Variants in ABHD10 observed in about 807,000 individuals in gnomAD.
ABHD10 encodes the protein abhydrolase domain containing 10, depalmitoylase.
ABHD10 carries 22 observed loss-of-function variants against 33.1 expected under a neutral mutation model. The observed-to-expected ratio is 0.66, with a 90% CI of 0.47 to 0.95. The LOEUF (loss-of-function observed/expected upper bound fraction) is 0.95. Among genes scored for constraint, ABHD10 ranks in the 40% least tolerant of loss-of-function variants. The probability of loss-of-function intolerance (pLI) is 0.00; values close to 1 mark genes in which losing one functional copy is unlikely to be tolerated. For missense variants in ABHD10, 352 were observed against 379.9 expected (o/e 0.93, Z 0.61); for synonymous variants, 146 against 133.9 (o/e 1.09, Z -0.62).
At position 111,991,745 on chromosome 3, in the gene ABHD10, A is replaced by T. The variant is rs2072742477; in HGVS notation, c.*24A>T. ...AGTATCACATGTTTAGTTGGTATGT[A>T]AACTAATGTATCCAGAAGATTGGAA... is the stretch of plus-strand genomic sequence containing the variant. On this transcript the variant is annotated 3_prime_UTR_variant, in exon 5 of 5. Coordinates refer to ENST00000273359, the MANE Select transcript of ABHD10 (RefSeq NM_018394.4). 6.5e-7 allele frequency: 1 copy of T among 1,546,568 alleles called. No individual in the cohort carries two copies. Among genetic ancestry groups the T allele is most frequent in the African/African-American group, 1.4e-5 (1 of 72,902 alleles).
chr3:111,988,795 G>T (rs1227196424), intron 4 of ABHD10, among the ~76,000 whole-genome samples: 1 of 151,998 alleles, frequency 6.6e-6, no homozygotes, highest in Non-Finnish European at 1.5e-5. Context: ...TCGCCATGTT[G>T]CCCAGGCCGG....
intron 3 of ABHD10, among the ~76,000 whole-genome samples, chr3:111,986,646 A>G (rs939416202): frequency 6.6e-6 from 1 of 152,090 alleles, no homozygotes; most frequent in Non-Finnish European, 1.5e-5. Flanking sequence ...CGTGTTGGCC[A>G]GGATGGTCTC....
chr3:111,986,793 T>C (rs1368309302), intron 3 of ABHD10, 121 bp from the exon 4 acceptor site: 8 of 742,476 alleles, frequency 1.1e-5, no homozygotes, highest in Admixed American at 3.7e-5. Flanking sequence ...TAATCCATTT[T>C]GATATTTGAT....
At chr3:111,979,392 G>T (rs1170153451) in intron 1 of ABHD10, among the ~76,000 whole-genome samples, 189 bp downstream of exon 1, 3 of 152,252 alleles carry the variant, frequency 2.0e-5, no homozygotes, top group African/African-American at 4.8e-5. Flanking sequence ...CCGCGGCCCT[G>T]CGGCATTCTG....
intron 2 of ABHD10, among the ~76,000 whole-genome samples, chr3:111,982,992 C>A (rs1468470167): frequency 6.6e-6 from 1 of 152,074 alleles, no homozygotes; most frequent in Non-Finnish European, 1.5e-5. Flanking sequence ...GATTGGAGTA[C>A]TTTTTGGAAA....
Position 111,991,944 on chromosome 3 carries a change from A to G in ABHD10, c.*223A>G, listed in dbSNP as rs1182080527. On this transcript the variant is annotated 3_prime_UTR_variant, in exon 5 of 5. Coordinates refer to ENST00000273359, the MANE Select transcript of ABHD10 (RefSeq NM_018394.4). The stretch of plus-strand genomic sequence containing the variant: ...TTCCTTCTGTCCTTGATTTTTTTTC[A>G]TTAAAGTATTTCCTTTTTTTAATTC... 20 of 418,002 alleles carry G rather than the reference A, an allele frequency of 4.8e-5. No individual in the cohort carries two copies. Among genetic ancestry groups the G allele is most frequent in the Non-Finnish European group, 7.5e-5 (18 of 239,754 alleles). The allele number at this position is 418,002 out of a possible 1,614,324, so 25.9% of individuals were successfully genotyped here. A position where few individuals can be genotyped will look rare whatever the true frequency, so the allele number is the denominator to read the frequency against.
chr3:111,983,342 A>G (rs2072609950), intron 2 of ABHD10, among the ~76,000 whole-genome samples: 1 of 152,158 alleles, frequency 6.6e-6, no homozygotes, highest in Non-Finnish European at 1.5e-5. Flanking sequence ...CACTGAATAA[A>G]TTTGAATCGA....
At chr3:111,990,683 T>C in intron 4 of ABHD10, 1 of 1,325,242 alleles carries the variant, frequency 7.5e-7, no homozygotes, top group Non-Finnish European at 1.0e-6. Context: ...AAAAATCAAA[T>C]TTTTTCTCTT....
intron 4 of ABHD10, among the ~76,000 whole-genome samples, chr3:111,988,116 G>GA (rs2072693285): frequency 1.3e-5 from 2 of 152,082 alleles, no homozygotes; most frequent in South Asian, 2.1e-4. Flanking sequence ...AAAAAAAGAA[G>GA]AAAAAACGTA....
chr3:111,992,649 TATTA>T lies in ABHD10; in HGVS notation c.*936_*939del, dbSNP rs1485939834. 2.0e-5 allele frequency: 3 copies of T among 152,184 alleles called. No homozygotes were observed. Among genetic ancestry groups the T allele is most frequent in the Non-Finnish European group, 2.9e-5 (2 of 68,030 alleles). 9.4% of individuals were successfully genotyped at this position (152,184 alleles called of 1,614,324 possible). Reference sequence around the variant, plus strand: ...TTGATATTATTTAGTTAATGTTTTTTATTAATTAATTTTGGCTGGACTTTATTTA... The same window carrying T: ...TTGATATTATTTAGTTAATGTTTTTTATTAATTTTGGCTGGACTTTATTTA... On this transcript the variant is annotated 3_prime_UTR_variant, in exon 5 of 5. Coordinates refer to ENST00000273359, the MANE Select transcript of ABHD10 (RefSeq NM_018394.4).
chr3:111,991,590 G>C lies in ABHD10; in HGVS notation c.790G>C (p.Val264Leu). The change falls in exon 5 of 5, where the codon GTA (valine) becomes CTA (leucine). Residue 264 changes from valine to leucine, a missense_variant. By Grantham distance (32) the Val-to-Leu change is conservative (BLOSUM62 1). Coordinates refer to ENST00000273359, the MANE Select transcript of ABHD10 (RefSeq NM_018394.4). Reference sequence around the variant, plus strand: ...TACATCAATGCAGGTTGCCGATCGAGTACTCAGCACAGATGTGGATGTCAT... The same window carrying C: ...TACATCAATGCAGGTTGCCGATCGACTACTCAGCACAGATGTGGATGTCAT... The part of the protein sequence containing the change: ...WHTSMQVADR[V>L]LSTDVDVILR... The C allele has an allele frequency of 6.2e-7, 1 of 1,614,120 alleles. No individual in the cohort carries two copies. Among genetic ancestry groups the C allele is most frequent in the Non-Finnish European group, 8.5e-7 (1 of 1,179,990 alleles).
At position 111,991,518 on chromosome 3, in the gene ABHD10, C is replaced by A; in HGVS notation, c.718C>A (p.Pro240Thr). The change falls in exon 5 of 5, where the codon CCC (proline) becomes ACC (threonine). Residue 240 changes from proline to threonine, a missense_variant. Physicochemically the swap from Pro to Thr is conservative, Grantham distance 38. Coordinates refer to ENST00000273359, the MANE Select transcript of ABHD10 (RefSeq NM_018394.4). ...LLHSPIPVNC[P>T]IRLLHGMKDD... ...ACATAGCCCAATTCCTGTGAACTGC[C>A]CCATAAGATTGCTCCATGGCATGAA... 6.2e-7 allele frequency: 1 copy of A among 1,614,034 alleles called. No homozygotes were observed. The highest frequency in any genetic ancestry group is 8.5e-7 in the Non-Finnish European group (1 of 1,179,960).
At chr3:111,985,866 G>A (rs919712248) in intron 2 of ABHD10, among the ~76,000 whole-genome samples, 10 of 152,276 alleles carry the variant, frequency 6.6e-5, no homozygotes, top group East Asian at 5.8e-4. Flanking sequence ...AGGTGATCAG[G>A]CACCAAAGTA....
intron 4 of ABHD10, among the ~76,000 whole-genome samples, chr3:111,988,529 G>A (rs1576067779): frequency 6.6e-6 from 1 of 151,604 alleles, no homozygotes; most frequent in Non-Finnish European, 1.5e-5. Flanking sequence ...TTGGGGGTTG[G>A]GGGTTTATTG....
intron 4 of ABHD10, chr3:111,990,836 C>A: frequency 2.8e-6 from 2 of 708,146 alleles, no homozygotes; most frequent in Non-Finnish European, 4.1e-6. Flanking sequence ...TTTCCCTATG[C>A]CATATCCATT....
At chr3:111,986,426 C>A in intron 3 of ABHD10, 51 bp downstream of exon 3, 1 of 860,276 alleles carries the variant, frequency 1.2e-6, no homozygotes, top group Non-Finnish European at 1.8e-6. Context: ...CGTATTTAAG[C>A]TGTTTGTTTT....
intron 3 of ABHD10, 135 bp downstream of exon 3, chr3:111,986,510 A>G (rs1233613596): frequency 1.6e-6 from 1 of 619,880 alleles, no homozygotes; most frequent in African/African-American, 1.9e-5. Flanking sequence ...ATCTTGGCTC[A>G]CTGCAAGCTC....
chr3:111,990,262 A>T (rs973193991), intron 4 of ABHD10, among the ~76,000 whole-genome samples: 5 of 152,040 alleles, frequency 3.3e-5, no homozygotes, highest in African/African-American at 1.2e-4. Flanking sequence ...GCAGCATTTA[A>T]AACCTTTTCA....
In ABHD10 at chr3:111,979,116, G is replaced by A. The variant is rs1285808250; in HGVS notation, c.55G>A (p.Gly19Ser). 3.1e-6 allele frequency: 5 copies of A among 1,613,304 alleles called. No homozygotes were observed. Among genetic ancestry groups the A allele is most frequent in the South Asian group, 1.1e-5 (1 of 91,068 alleles). The change falls in exon 1 of 5, where the codon GGC becomes AGC. Residue 19 changes from glycine (G) to serine (S), a missense_variant. Coordinates refer to ENST00000273359, the MANE Select transcript of ABHD10 (RefSeq NM_018394.4). ...GGCCTGGGTACCTTGTCGGAGCTGG[G>A]GCTGGGCAGCCGTCCCCTTCGGTCC... Reference protein sequence around the residue: ...VAAWVPCRSWGWAAVPFGPHR... With the variant: ...VAAWVPCRSWSWAAVPFGPHR...
Sources: allele counts gnomAD v4.1 joint callset (sites outside exome capture counted in the v4.1 genomes callset), GRCh38; gene constraint gnomAD v4.1.1; transcripts MANE v1.5; gene names NCBI Gene and HGNC (gene_info 2026-07-23, HGNC 2026-07-21).